MRPS27: variants seen among roughly 807,000 people sequenced by gnomAD.
The protein encoded by MRPS27 is small ribosomal subunit protein mS27.
Under a neutral mutation model 48.9 loss-of-function variants are expected in MRPS27, and 43 were observed. That is an observed-to-expected ratio of 0.88 (90% confidence interval 0.69 to 1.13). The LOEUF (loss-of-function observed/expected upper bound fraction) is 1.13. Among genes scored for constraint, MRPS27 ranks in the 50% most tolerant of loss-of-function variants. The pLI, the probability that MRPS27 is intolerant of heterozygous loss-of-function variation, is 0.00. For synonymous variants in MRPS27, 188 were observed against 171.9 expected (o/e 1.09, Z -0.73); for missense variants, 467 against 476.3 (o/e 0.98, Z 0.18).
chr5:72,264,028 T>C (rs567652203), intron 4 of MRPS27, among the ~76,000 whole-genome samples: 5 of 152,294 alleles, frequency 3.3e-5, no homozygotes, highest in African/African-American at 1.2e-4. Context: ...AAATAAAATG[T>C]AGTATATACA....
intron 4 of MRPS27, among the ~76,000 whole-genome samples, chr5:72,267,320 T>G (rs919620343): frequency 6.6e-6 from 1 of 152,172 alleles, no homozygotes; most frequent in Non-Finnish European, 1.5e-5. Context: ...TAAGTTCATA[T>G]AACATATGAA....
chr5:72,286,089 T>A (rs1198172188), intron 4 of MRPS27, among the ~76,000 whole-genome samples: 8 of 152,232 alleles, frequency 5.3e-5, no homozygotes, highest in Admixed American at 5.2e-4. Context: ...CTTATAATCT[T>A]CTTTGTTAGT....
chr5:72,302,837 C>T (rs1750157881), intron 2 of MRPS27, among the ~76,000 whole-genome samples: 1 of 152,204 alleles, frequency 6.6e-6, no homozygotes, highest in Non-Finnish European at 1.5e-5. Context: ...GCCAGGACCA[C>T]CTAAGGGAAC....
rs576287694 is a variant in MRPS27, at chr5:72,259,742, T to C, written c.282-21614A>G. 2.4e-3 allele frequency among the ~76,000 whole-genome samples: 369 copies of C among 152,318 alleles called. 1 individual carries two copies. Among genetic ancestry groups the C allele is most frequent in the Non-Finnish European group, 3.7e-3 (252 of 68,012 alleles). ...TTATTTTTATTATTATAGACAAAGC[T>C]ACAGTTAATTTTCTTGACTTATATA... On this transcript the variant is annotated intron_variant, in intron 4 of 10. Coordinates refer to ENST00000261413, the MANE Select transcript of MRPS27 (RefSeq NM_015084.3).
intron 2 of MRPS27, among the ~76,000 whole-genome samples, chr5:72,300,840 A>G (rs888703328): frequency 1.1e-4 from 17 of 152,360 alleles, no homozygotes; most frequent in Non-Finnish European, 2.4e-4. Context: ...TCAGCCAATC[A>G]GGATAAAAAC....
At chr5:72,301,200 CAACTTTAG>C (rs768448474) in intron 2 of MRPS27, among the ~76,000 whole-genome samples, 26 of 152,246 alleles carry the variant, frequency 1.7e-4, no homozygotes, top group South Asian at 1.4e-3. Flanking sequence ...TGGGGGAAAA[CAACTTTAG>C]AACTTTAGAA....
intron 4 of MRPS27, among the ~76,000 whole-genome samples, chr5:72,240,170 G>T (rs764040905): frequency 3.3e-5 from 5 of 152,024 alleles, no homozygotes; most frequent in Admixed American, 1.3e-4. Flanking sequence ...ATCAACACTG[G>T]TATTAAATGC....
chr5:72,245,653 T>G (rs1481371977), intron 4 of MRPS27, among the ~76,000 whole-genome samples: 1 of 152,080 alleles, frequency 6.6e-6, no homozygotes, highest in Non-Finnish European at 1.5e-5. Flanking sequence ...CTAGGCTTAG[T>G]GAAGTTGTCA....
At chr5:72,284,159 T>C (rs1428123985) in intron 4 of MRPS27, among the ~76,000 whole-genome samples, 1 of 151,500 alleles carries the variant, frequency 6.6e-6, no homozygotes, top group Admixed American at 6.6e-5. Flanking sequence ...ATGCCTATAA[T>C]CCCAGCACTT....
intron 4 of MRPS27, among the ~76,000 whole-genome samples, chr5:72,292,837 G>A (rs533667718): frequency 2.6e-5 from 4 of 152,148 alleles, no homozygotes; most frequent in African/African-American, 4.8e-5. Flanking sequence ...TGTTAAAGAC[G>A]GTACTGCTTA....
intron 4 of MRPS27, among the ~76,000 whole-genome samples, chr5:72,272,597 A>C (rs189067975): frequency 1.9e-4 from 29 of 152,288 alleles, no homozygotes; most frequent in Admixed American, 1.7e-3. Context: ...GAATTCTGCA[A>C]ATTTTTGCTT....
chr5:72,248,598 G>A (rs1342413223), intron 4 of MRPS27, among the ~76,000 whole-genome samples: 1 of 150,806 alleles, frequency 6.6e-6, no homozygotes, highest in African/African-American at 2.4e-5. Context: ...ATGAGTCATA[G>A]GGGAAGGAGA....
chr5:72,247,891 T>G (rs1748548472), intron 4 of MRPS27, among the ~76,000 whole-genome samples: 1 of 152,184 alleles, frequency 6.6e-6, no homozygotes, highest in South Asian at 2.1e-4. Flanking sequence ...ATTAAGAAAT[T>G]ACTTGACAGT....
chr5:72,240,349 A>C (rs1466300156), intron 4 of MRPS27, among the ~76,000 whole-genome samples: 1 of 152,218 alleles, frequency 6.6e-6, no homozygotes, highest in South Asian at 2.1e-4. Context: ...CTAGAGGCTG[A>C]AGGGTTTTTG....
chr5:72,276,688 G>C (rs889241290), intron 4 of MRPS27, among the ~76,000 whole-genome samples: 3 of 151,744 alleles, frequency 2.0e-5, no homozygotes, highest in African/African-American at 4.8e-5. Context: ...CTAATATCCA[G>C]AGTCTGCAAG....
chr5:72,238,697 C>T (rs190214492), intron 4 of MRPS27, among the ~76,000 whole-genome samples: 40 of 152,296 alleles, frequency 2.6e-4, no homozygotes, highest in Non-Finnish European at 1.9e-4. Context: ...CAATCCCACA[C>T]TGCCTTCTTC....
At chr5:72,296,202 T>G (rs186251562) in intron 3 of MRPS27, among the ~76,000 whole-genome samples, 8 of 152,186 alleles carry the variant, frequency 5.3e-5, no homozygotes, top group African/African-American at 1.7e-4. Context: ...CAAACACAGA[T>G]TCTATTCTAA....
intron 1 of MRPS27, among the ~76,000 whole-genome samples, chr5:72,316,421 G>A (rs942025814): frequency 1.3e-5 from 2 of 152,174 alleles, no homozygotes; most frequent in African/African-American, 4.8e-5. Flanking sequence ...AGGCTGGAGT[G>A]CAATGGTGTG....
intron 4 of MRPS27, among the ~76,000 whole-genome samples, chr5:72,271,840 G>A (rs1236815819): frequency 1.3e-5 from 2 of 152,096 alleles, no homozygotes; most frequent in African/African-American, 2.4e-5. Flanking sequence ...GTTAAAAAAG[G>A]AGCACGTGCC....
Sources: gnomAD v4.1 joint callset for allele counts (sites outside exome capture counted in the v4.1 genomes callset) on GRCh38, gnomAD v4.1.1 for gene constraint, MANE v1.5 for transcripts, NCBI Gene and HGNC (gene_info 2026-07-23, HGNC 2026-07-21) for gene names.